Variants in ATF7 observed in about 807,000 individuals in gnomAD.
The protein encoded by ATF7 is activating transcription factor 7, also known as cyclic AMP-dependent transcription factor ATF-7.
A neutral mutation model predicts 50.4 loss-of-function variants in ATF7; 10 were observed. The observed-to-expected ratio is 0.20, with a 90% CI of 0.12 to 0.34. The LOEUF is 0.34. ATF7 is among the 10% of genes least tolerant of loss of function. ATF7 has a pLI of 1.00. For missense variants in ATF7, 465 were observed against 613.9 expected (o/e 0.76, Z 2.56); for synonymous variants, 201 against 226.4 (o/e 0.89, Z 1.01).
chr12:53,548,791 T>C (rs1940117320), intron 3 of ATF7, among the ~76,000 whole-genome samples: 1 of 152,050 alleles, frequency 6.6e-6, no homozygotes, highest in Non-Finnish European at 1.5e-5. Flanking sequence ...AAGACCAACT[T>C]GGGGAACAAA....
At position 53,517,190 on chromosome 12, in the gene ATF7, G is replaced by A. The variant is rs866863073; in HGVS notation, c.1399C>T (p.Pro467Ser). Residue 467 changes from proline (P) to serine (S), a missense_variant, in exon 12 of 12, where the codon CCG becomes TCG. By Grantham distance (74) the Pro-to-Ser change is moderately conservative. Transcript: ENST00000420353. The part of the protein sequence containing the change: ...MASQRTELSM[P>S]IQSHVIMTPQ... ...GTCATGATTACATGCGATTGTATCGGCATGCTCAGTTCTGTCCTTTGGCTG... is the reference window on the plus strand; with the variant it reads ...GTCATGATTACATGCGATTGTATCGACATGCTCAGTTCTGTCCTTTGGCTG... 6.2e-7 allele frequency: 1 copy of A among 1,613,962 alleles called. No homozygotes were observed.
In ATF7 at chr12:53,593,172, G is replaced by A. The variant is rs374268669; in HGVS notation, c.48+7781C>T. 3.9e-5 allele frequency among the ~76,000 whole-genome samples: 6 copies of A among 152,202 alleles called. No homozygotes were observed. The South Asian group carries it at 6.2e-4, about 16-fold the overall frequency. On this transcript the variant is annotated intron_variant, in intron 2 of 11. Coordinates refer to ENST00000420353, the MANE Select transcript of ATF7 (RefSeq NM_006856.3). Reference sequence around the variant, plus strand: ...GTAATCCCAAGTACTTGGGAGCCTCGGGTGAGAGGACTGCTTTAGGCTAGG... The same window carrying A: ...GTAATCCCAAGTACTTGGGAGCCTCAGGTGAGAGGACTGCTTTAGGCTAGG...
At chr12:53,510,517 G>T (rs372942068), downstream of ATF7, among the ~76,000 whole-genome samples, 14 of 148,942 alleles carry the variant, frequency 9.4e-5, no homozygotes, top group South Asian at 2.7e-3. Context: ...ACAGAACTCA[G>T]TTGTAATCCT....
intron 1 of ATF7, among the ~76,000 whole-genome samples, chr12:53,624,531 T>C (rs1944528831): frequency 6.6e-6 from 1 of 152,266 alleles, no homozygotes; most frequent in Admixed American, 6.5e-5. Flanking sequence ...GGCAAAGCCC[T>C]GTCCCTTTTC....
At chr12:53,614,917 C>A (rs865867750) in intron 1 of ATF7, among the ~76,000 whole-genome samples, 4 of 152,052 alleles carry the variant, frequency 2.6e-5, no homozygotes, top group African/African-American at 9.6e-5. Context: ...CCTGTCTCTA[C>A]TAAAAATACA....
chr12:53,609,974 G>A (rs1024629685), intron 1 of ATF7, among the ~76,000 whole-genome samples: 1 of 151,536 alleles, frequency 6.6e-6, no homozygotes, highest in African/African-American at 2.4e-5. Context: ...GCACCACCAC[G>A]CCCGGCTAAT....
In ATF7 at chr12:53,537,483, C is replaced by G. The variant is rs1329674334; in HGVS notation, c.334G>C (p.Val112Leu). The G allele has an allele frequency of 2.5e-6, 4 of 1,613,796 alleles. No homozygotes were observed. The highest frequency in any genetic ancestry group is 2.2e-5 in the East Asian group (1 of 44,888). ...TCAGGTGGGGATGAGTCTACCTCCACTGGCTCTTCTTCTTTGATTTTGATG... is the reference window on the plus strand; with the variant it reads ...TCAGGTGGGGATGAGTCTACCTCCAGTGGCTCTTCTTCTTTGATTTTGATG... ...PDIKIKEEEP[V>L]EVDSSPPDSP... The change falls in exon 5 of 12, where the codon GTG (valine) becomes CTG (leucine). Residue 112 changes from valine to leucine, a missense_variant. Physicochemically the swap from Val to Leu is conservative, Grantham distance 32. Transcript: ENST00000420353.
chr12:53,601,655 G>A (rs778327812), intron 1 of ATF7, among the ~76,000 whole-genome samples: 2 of 152,090 alleles, frequency 1.3e-5, no homozygotes, highest in African/African-American at 2.4e-5. Flanking sequence ...GAGAAGTATC[G>A]ATGCCCTTCC....
intron 5 of ATF7, among the ~76,000 whole-genome samples, chr12:53,536,353 T>C (rs1365280890): frequency 6.6e-6 from 1 of 151,670 alleles, no homozygotes; most frequent in Non-Finnish European, 1.5e-5. Context: ...CTTGGCTCAC[T>C]GAAACCCTGG....
chr12:53,584,711 G>C (rs1190371007), intron 2 of ATF7, among the ~76,000 whole-genome samples: 6 of 152,100 alleles, frequency 3.9e-5, no homozygotes, highest in African/African-American at 1.4e-4. Flanking sequence ...GCACTAAAAA[G>C]AAATAAGGTA....
In ATF7 at chr12:53,517,358, C is replaced by A; in HGVS notation, c.1235-4G>T. 1 of 1,611,458 alleles carries A rather than the reference C, an allele frequency of 6.2e-7. No homozygotes were observed. The highest frequency in any genetic ancestry group is 8.5e-7 in the Non-Finnish European group (1 of 1,178,716). ...TCTGAGCTTTCCTTGGGGCTTTCTG[C>A]CAGGAAGGAGGGCAAAGAGCAGAGA... On this transcript the variant is annotated splice_region_variant and splice_polypyrimidine_tract_variant and intron_variant, in intron 11 of 11. Coordinates refer to ENST00000420353, the MANE Select transcript of ATF7 (RefSeq NM_006856.3).
chr12:53,603,585 C>A (rs1943488066), intron 1 of ATF7, among the ~76,000 whole-genome samples: 1 of 152,056 alleles, frequency 6.6e-6, no homozygotes, highest in Non-Finnish European at 1.5e-5. Flanking sequence ...TTCTTAAACA[C>A]CCACAATTAT....
chr12:53,532,669 A>C, intron 7 of ATF7, 46 bp from the exon 8 acceptor site: 1 of 1,357,300 alleles, frequency 7.4e-7, no homozygotes, highest in Non-Finnish European at 1.0e-6. Flanking sequence ...GGAACATAAT[A>C]CCATCGGTGG....
intron 2 of ATF7, among the ~76,000 whole-genome samples, chr12:53,567,899 T>A (rs531085319): frequency 6.6e-6 from 1 of 152,372 alleles, no homozygotes; most frequent in South Asian, 2.1e-4. Context: ...TATTTTTCAA[T>A]CTCATCTCTC....
intron 2 of ATF7, among the ~76,000 whole-genome samples, chr12:53,568,615 T>C (rs1026773845): frequency 6.6e-6 from 1 of 152,228 alleles, no homozygotes; most frequent in Non-Finnish European, 1.5e-5. Flanking sequence ...GGTCAAGTGC[T>C]CTAATTCTGC....
chr12:53,577,443 G>A lies in ATF7; in HGVS notation c.48+23510C>T, dbSNP rs552342248. 3.9e-5 allele frequency among the ~76,000 whole-genome samples: 6 copies of A among 152,168 alleles called. No individual in the cohort carries two copies. In the South Asian group the frequency reaches 1.2e-3, roughly 32 times the overall value. ...AAGAAAGAAACACACACGGCCGGGC[G>A]CGGTGGCTCATTCCTGTAATCCCAG... is the stretch of plus-strand genomic sequence containing the variant. On this transcript the variant is annotated intron_variant, in intron 2 of 11. Transcript: ENST00000420353.
intron 3 of ATF7, among the ~76,000 whole-genome samples, chr12:53,549,702 C>T (rs1459600402): frequency 6.6e-6 from 1 of 152,138 alleles, no homozygotes; most frequent in Non-Finnish European, 1.5e-5. Context: ...GCCTCAGCCT[C>T]AGCCTGCCGA....
chr12:53,526,024 A>G (rs1938430887), intron 9 of ATF7, among the ~76,000 whole-genome samples: 1 of 152,076 alleles, frequency 6.6e-6, no homozygotes, highest in East Asian at 1.9e-4. Flanking sequence ...CAGCCTGACC[A>G]ACATGGAGAA....
At chr12:53,582,206 G>A (rs1942457456) in intron 2 of ATF7, among the ~76,000 whole-genome samples, 1 of 151,862 alleles carries the variant, frequency 6.6e-6, no homozygotes, top group Admixed American at 6.6e-5. Flanking sequence ...GCGCGCGCCT[G>A]TAATCCCAGC....
Sources: allele counts gnomAD v4.1 joint callset (sites outside exome capture counted in the v4.1 genomes callset), GRCh38; gene constraint gnomAD v4.1.1; transcripts MANE v1.5; gene names NCBI Gene and HGNC (gene_info 2026-07-23, HGNC 2026-07-21).